Variants in ADD2 observed in about 807,000 individuals in gnomAD.
ADD2 encodes the protein beta-adducin.
ADD2 carries 23 observed loss-of-function variants against 83.0 expected under a neutral mutation model. The ratio of observed to expected loss-of-function variants is 0.28; its 90% CI spans 0.20 to 0.39. The LOEUF (loss-of-function observed/expected upper bound fraction) is 0.39, where lower values mean the gene tolerates loss of function less well. Among genes scored for constraint, ADD2 ranks in the 10% least tolerant of loss-of-function variants. ADD2 has a pLI of 1.00. For synonymous variants in ADD2, 375 were observed against 375.4 expected, an observed-to-expected ratio of 1.00 and a Z score of 0.01; for missense variants, 758 against 944.9, an observed-to-expected ratio of 0.80 and a Z score of 2.59.
At chr2:70,725,109 G>C (rs1672921146) in intron 1 of ADD2, among the ~76,000 whole-genome samples, 1 of 152,210 alleles carries the variant, frequency 6.6e-6, no homozygotes, top group Non-Finnish European at 1.5e-5. Context: ...GAACCACCCT[G>C]TACCTCAGTT....
chr2:70,709,264 A>T (rs374536378), intron 2 of ADD2, among the ~76,000 whole-genome samples: 1 of 151,618 alleles, frequency 6.6e-6, no homozygotes, highest in East Asian at 1.9e-4. Flanking sequence ...AAAATATTTG[A>T]TAATAGGGGA....
chr2:70,697,032 G>A (rs1000869443), intron 4 of ADD2, among the ~76,000 whole-genome samples: 1 of 152,178 alleles, frequency 6.6e-6, no homozygotes, highest in Admixed American at 6.5e-5. Flanking sequence ...GGTGGCACGC[G>A]CCTGTAATAC....
chr2:70,747,544 C>A (rs1370854610), intron 1 of ADD2, among the ~76,000 whole-genome samples: 1 of 151,494 alleles, frequency 6.6e-6, no homozygotes, highest in Non-Finnish European at 1.5e-5. Context: ...CATGTGTTCT[C>A]CCATCATGCC....
chr2:70,692,264 G>A, intron 7 of ADD2, 139 bp downstream of exon 7: 1 of 947,684 alleles, frequency 1.1e-6, no homozygotes, highest in East Asian at 2.9e-5. Context: ...GGAGAGGCTG[G>A]GCGTTTCCAC....
At chr2:70,734,694 A>C (rs1553379805) in intron 1 of ADD2, among the ~76,000 whole-genome samples, 1 of 152,190 alleles carries the variant, frequency 6.6e-6, no homozygotes, top group East Asian at 1.9e-4. Context: ...GCATGAAATT[A>C]AAGGGAGCTT....
intron 15 of ADD2, among the ~76,000 whole-genome samples, chr2:70,667,636 G>A (rs1669700677): frequency 6.6e-6 from 1 of 152,072 alleles, no homozygotes; most frequent in East Asian, 1.9e-4. Context: ...GCTTTTTGGT[G>A]GGGGGATGGA....
At position 70,663,235 on chromosome 2, in the gene ADD2, G is replaced by A; in HGVS notation, c.*190C>T. 1.6e-6 allele frequency: 1 copy of A among 642,662 alleles called. No homozygotes were observed. The highest frequency in any genetic ancestry group is 2.6e-6 in the Non-Finnish European group (1 of 379,770). 39.8% of individuals were successfully genotyped at this position (642,662 alleles called of 1,614,324 possible). A position where few individuals can be genotyped will look rare whatever the true frequency, so the allele number is the denominator to read the frequency against. ...CCGCTAACTAGCTGTGTGACCTTGG[G>A]CAAGTCACCTGATTTCTCTTGGGCA... On this transcript the variant is annotated 3_prime_UTR_variant, in exon 16 of 16. Transcript: ENST00000264436.
intron 1 of ADD2, among the ~76,000 whole-genome samples, chr2:70,724,747 T>C (rs751566472): frequency 7.9e-5 from 12 of 152,232 alleles, no homozygotes; most frequent in Non-Finnish European, 1.2e-4. Context: ...GGCACTGTAC[T>C]AGGTGCCAGC....
Position 70,706,885 on chromosome 2 carries a change from G to A in ADD2, c.-34-443C>T, listed in dbSNP as rs557913539. Among the ~76,000 whole-genome samples the A allele has an allele frequency of 1.3e-5, 2 of 152,264 alleles. No individual in the cohort carries two copies. Among genetic ancestry groups the A allele is most frequent in the African/African-American group, 2.4e-5 (1 of 41,546 alleles). ...AAAAATTATGGTGGAAATAGCTAATGCATGCTGGGCTTAACACCTAGGTAA... is the reference window on the plus strand; with the variant it reads ...AAAAATTATGGTGGAAATAGCTAATACATGCTGGGCTTAACACCTAGGTAA... On this transcript the variant is annotated intron_variant, in intron 2 of 15. Coordinates refer to ENST00000264436, the MANE Select transcript of ADD2 (RefSeq NM_001617.4). This position sits in a 1 kb window ranked among gnomAD's most constrained non-coding sequence, Gnocchi z 5.0.
chr2:70,737,427 G>C (rs1488013997), intron 1 of ADD2, among the ~76,000 whole-genome samples: 2 of 152,048 alleles, frequency 1.3e-5, no homozygotes, highest in Admixed American at 1.3e-4. Context: ...CCTTTGTAGG[G>C]ACATGGATGA....
chr2:70,700,945 C>T (rs1475785538), intron 4 of ADD2, among the ~76,000 whole-genome samples: 1 of 151,870 alleles, frequency 6.6e-6, no homozygotes, highest in African/African-American at 2.4e-5. Context: ...AAAAATATTC[C>T]AGATCTAGAT....
chr2:70,761,796 C>T (rs1470868469), intron 1 of ADD2, among the ~76,000 whole-genome samples: 9 of 150,264 alleles, frequency 6.0e-5, no homozygotes, highest in Non-Finnish European at 1.2e-4. Context: ...CTCAGCCTCC[C>T]GAGTAGCTGG....
Position 70,706,259 on chromosome 2 carries a change from C to T in ADD2, c.150G>A (p.Gln50=), listed in dbSNP as rs782169095. The change falls in exon 3 of 16, where the codon CAG becomes CAA. Residue 50 remains glutamine, a synonymous_variant. Transcript: ENST00000264436. This position sits in a 1 kb window ranked among gnomAD's most constrained non-coding sequence, Gnocchi z 5.0. The part of the protein sequence containing the change: ...DLRQDFNLME[Q]KKRVTMILQS... ...GCAGGATCATGGTGACGCGCTTCTT[C>T]TGCTCCATCAGGTTGAAGTCCTGCC... The T allele has an allele frequency of 1.9e-6, 3 of 1,614,114 alleles. No individual in the cohort carries two copies. The East Asian group carries it at 6.7e-5, about 36-fold the overall frequency.
intron 15 of ADD2, among the ~76,000 whole-genome samples, chr2:70,666,316 T>C (rs1371826530): frequency 1.3e-5 from 2 of 152,208 alleles, no homozygotes; most frequent in Non-Finnish European, 2.9e-5. Flanking sequence ...CACCTAATCT[T>C]TTCTTATCTA....
chr2:70,737,169 A>G (rs1404405425), intron 1 of ADD2, among the ~76,000 whole-genome samples: 2 of 152,164 alleles, frequency 1.3e-5, no homozygotes, highest in Non-Finnish European at 2.9e-5. Context: ...CAGTGTGGCG[A>G]TTCCTCAAGG....
intron 1 of ADD2, among the ~76,000 whole-genome samples, chr2:70,733,828 G>A (rs1012594052): frequency 6.6e-6 from 1 of 152,140 alleles, no homozygotes; most frequent in Non-Finnish European, 1.5e-5. Flanking sequence ...AAGAGCTGGC[G>A]AATTTTCAGA....
chr2:70,739,344 A>G (rs1306210948), intron 1 of ADD2, among the ~76,000 whole-genome samples: 1 of 152,234 alleles, frequency 6.6e-6, no homozygotes, highest in Non-Finnish European at 1.5e-5. Context: ...ACCATCTCAC[A>G]CCAGGTCAGA....
At chr2:70,677,200 C>A (rs938206421) in intron 12 of ADD2, among the ~76,000 whole-genome samples, 1 of 152,056 alleles carries the variant, frequency 6.6e-6, no homozygotes. Context: ...TAGGCACCCC[C>A]CACCATTGAA....
At chr2:70,669,011 T>G (rs553713354) in intron 15 of ADD2, among the ~76,000 whole-genome samples, 8 of 152,106 alleles carry the variant, frequency 5.3e-5, no homozygotes, top group African/African-American at 1.9e-4. Context: ...CACCATTGCA[T>G]AGAGAGGTCA....
Sources: gnomAD v4.1 joint callset for allele counts (sites outside exome capture counted in the v4.1 genomes callset) on GRCh38, gnomAD v4.1.1 for gene constraint, Gnocchi (gnomAD v3.1) non-coding constraint, MANE v1.5 for transcripts, NCBI Gene and HGNC (gene_info 2026-07-23, HGNC 2026-07-21) for gene names.